The following SPRR3 variants were observed in gnomAD, a reference collection of about 807,000 sequenced individuals.
SPRR3 encodes the protein small proline-rich protein 3.
For synonymous variants in SPRR3, 58 were observed against 72.3 expected (o/e 0.80, Z 1.01); for missense variants, 183 against 200.3 (o/e 0.91, Z 0.52).
rs780146454 is a variant in SPRR3 at position 153,003,176 on chromosome 1, G to A, written c.156G>A (p.Lys52=). The change falls in exon 2 of 2, where the codon AAG becomes AAA. Residue 52 remains lysine, a synonymous_variant. Transcript: ENST00000295367. Reference sequence around the variant, plus strand: ...AGGTTCCACAACCTGGAAACACAAAGATTCCAGAGCCAGGCTGTACCAAGG... The same window carrying A: ...AGGTTCCACAACCTGGAAACACAAAAATTCCAGAGCCAGGCTGTACCAAGG... ...HSKVPQPGNT[K]IPEPGCTKVP... 4.5e-5 allele frequency: 73 copies of A among 1,613,822 alleles called. No homozygotes were observed. Among genetic ancestry groups the A allele is most frequent in the Non-Finnish European group, 5.7e-5 (67 of 1,179,946 alleles).
In SPRR3 at chr1:153,003,755, A is replaced by C. The variant is rs181973483; in HGVS notation, c.*225A>C. The C allele has an allele frequency of 7.0e-4, 453 of 650,874 alleles. 4 individuals carry two copies. Among genetic ancestry groups the C allele is most frequent in the African/African-American group, 5.3e-3 (289 of 54,968 alleles). 40.3% of individuals were successfully genotyped at this position (650,874 alleles called of 1,614,324 possible). On this transcript the variant is annotated 3_prime_UTR_variant, in exon 2 of 2. Coordinates refer to ENST00000295367, the MANE Select transcript of SPRR3 (RefSeq NM_001097589.2). ...CCCCTGAATTAAGCAGAAAGTCTTC[A>C]TGGCTTTTCTGGTCTTCGGCTGCTC...
Position 153,003,499 on chromosome 1 carries a change from G to T in SPRR3, c.479G>T (p.Gly160Val). Residue 160 changes from glycine (G) to valine (V), a missense_variant, in exon 2 of 2, where the codon GGC becomes GTC. Coordinates refer to ENST00000295367, the MANE Select transcript of SPRR3 (RefSeq NM_001097589.2). ...CCATGTCCTTCAACGGTCACTCCAG[G>T]CCCAGCTCAGCAGAAGACCAAGCAG... is the stretch of plus-strand genomic sequence containing the variant. Reference protein sequence around the residue: ...PEPCPSTVTPGPAQQKTKQK With the variant: ...PEPCPSTVTPVPAQQKTKQK 1 of 1,613,938 alleles carries T rather than the reference G, an allele frequency of 6.2e-7. No homozygotes were observed. Among genetic ancestry groups the T allele is most frequent in the Middle Eastern group, 1.7e-4 (1 of 6,060 alleles).
chr1:153,003,645 C>G lies in SPRR3; in HGVS notation c.*115C>G. The G allele has an allele frequency of 7.4e-7, 1 of 1,349,148 alleles. No individual in the cohort carries two copies. Among genetic ancestry groups the G allele is most frequent in the South Asian group, 1.5e-5 (1 of 66,890 alleles). 83.6% of individuals were successfully genotyped at this position (1,349,148 alleles called of 1,614,324 possible). ...CCTTGTAATCAGCACATTGTCACCCCAAGCCATAGTCTCTCTCTTATTTGT... is the reference window on the plus strand; with the variant it reads ...CCTTGTAATCAGCACATTGTCACCCGAAGCCATAGTCTCTCTCTTATTTGT... On this transcript the variant is annotated 3_prime_UTR_variant, in exon 2 of 2. Transcript: ENST00000295367.
In SPRR3 at chr1:153,003,423, G is replaced by C; in HGVS notation, c.403G>C (p.Glu135Gln). ...TGAGCCAGGTGCCATCAAAGTTCCT[G>C]AGCAAGGATACACCAAAGTTCCTGT... ...FPEPGAIKVPEQGYTKVPVPG... is the reference protein window; with the variant it reads ...FPEPGAIKVPQQGYTKVPVPG... The change falls in exon 2 of 2, where the codon GAG (glutamate) becomes CAG (glutamine). Residue 135 changes from glutamate (E) to glutamine (Q), a missense_variant. Coordinates refer to ENST00000295367, the MANE Select transcript of SPRR3 (RefSeq NM_001097589.2). The C allele has an allele frequency of 6.2e-7, 1 of 1,614,086 alleles. No homozygotes were observed. Among genetic ancestry groups the C allele is most frequent in the Non-Finnish European group, 8.5e-7 (1 of 1,180,014 alleles).
intron 1 of SPRR3, chr1:153,002,474 T>C (rs1570956084): frequency 6.3e-6 from 1 of 158,948 alleles, no homozygotes; most frequent in Non-Finnish European, 1.4e-5. Flanking sequence ...TTAAAATCTT[T>C]CCAACTTATG....
intron 1 of SPRR3, chr1:153,002,726 T>A (rs574534097): frequency 2.4e-6 from 1 of 417,660 alleles, no homozygotes; most frequent in Admixed American, 4.1e-5. Context: ...CATATTTGTA[T>A]GTGTTTTCAT....
rs771210760 is a variant in SPRR3 at position 153,003,473 on chromosome 1, G to C, written c.453G>C (p.Glu151Asp). The change falls in exon 2 of 2, where the codon GAG becomes GAC. Residue 151 changes from glutamate to aspartate, a missense_variant. Transcript: ENST00000295367. ...VPVPGYTKLP[E>D]PCPSTVTPGP... ...TGCCAGGCTACACAAAGCTACCAGA[G>C]CCATGTCCTTCAACGGTCACTCCAG... 2.5e-6 allele frequency: 4 copies of C among 1,614,086 alleles called. No individual in the cohort carries two copies. The highest frequency in any genetic ancestry group is 2.5e-6 in the Non-Finnish European group (3 of 1,180,032).
At position 153,003,202 on chromosome 1, in the gene SPRR3, TCCCTGAGCCAGGCTGTACCAAG is replaced by T; in HGVS notation, c.183_204del (p.Pro62SerfsTer131). ...ATTCCAGAGCCAGGCTGTACCAAGG[TCCCTGAGCCAGGCTGTACCAAG>T]GTCCCTGAGCCAGGCTGTACCAAGG... On this transcript the variant is annotated frameshift_variant, in exon 2 of 2. Transcript: ENST00000295367. LOFTEE classifies it low-confidence loss of function (END_TRUNC). The T allele has an allele frequency of 2.1e-5, 25 of 1,217,238 alleles. No individual in the cohort carries two copies. The highest frequency in any genetic ancestry group is 1.2e-4 in the East Asian group (2 of 16,356). The allele number at this position is 1,217,238 out of a possible 1,614,324, so 75.4% of individuals were successfully genotyped here.
chr1:153,003,262 G>A lies in SPRR3; in HGVS notation c.242G>A (p.Gly81Asp), dbSNP rs780991258. ...EPGCTKVPEP[G>D]CTKVPEPGCT... ...GGCTGTACCAAGGTCCCTGAGCCAG[G>A]TTGTACCAAGGTCCCTGAGCCAGGC... is the stretch of plus-strand genomic sequence containing the variant. The change falls in exon 2 of 2, where the codon GGT (glycine) becomes GAT (aspartate). Residue 81 changes from glycine (G) to aspartate (D), a missense_variant. By Grantham distance (94) the Gly-to-Asp change is moderately conservative (BLOSUM62 -1). Transcript: ENST00000295367. 1 of 1,594,474 alleles carries A rather than the reference G, an allele frequency of 6.3e-7. No homozygotes were observed. The highest frequency in any genetic ancestry group is 1.1e-5 in the South Asian group (1 of 88,048).
intron 1 of SPRR3, 37 bp from the exon 2 acceptor site, chr1:153,002,965 C>T: frequency 1.3e-6 from 2 of 1,553,450 alleles, no homozygotes; most frequent in Non-Finnish European, 1.7e-6. Context: ...TTCATTCCTA[C>T]TTAATCAAAG....
At chr1:153,002,800 C>T (rs1391895578) in intron 1 of SPRR3, 8 of 606,950 alleles carry the variant, frequency 1.3e-5, no homozygotes, top group African/African-American at 9.3e-5. Context: ...TCCATTTACA[C>T]GATGTGGAAG....
In SPRR3 at chr1:153,003,445, C is replaced by A; in HGVS notation, c.425C>A (p.Pro142His). Residue 142 changes from proline to histidine, a missense_variant, in exon 2 of 2, where the codon CCT (proline) becomes CAT (histidine). Physicochemically the swap from Pro to His is moderately conservative, Grantham distance 77. Transcript: ENST00000295367. ...CCTGAGCAAGGATACACCAAAGTTCCTGTGCCAGGCTACACAAAGCTACCA... is the reference window on the plus strand; with the variant it reads ...CCTGAGCAAGGATACACCAAAGTTCATGTGCCAGGCTACACAAAGCTACCA... ...KVPEQGYTKV[P>H]VPGYTKLPEP... The A allele has an allele frequency of 3.7e-6, 6 of 1,614,070 alleles. No individual in the cohort carries two copies. Among genetic ancestry groups the A allele is most frequent in the Non-Finnish European group, 5.1e-6 (6 of 1,179,992 alleles).
Position 153,002,549 on chromosome 1 carries a change from G to T in SPRR3, c.-19-453G>T, listed in dbSNP as rs527795457. ...CACAGCCAAGAGTGGTATTAAAAGTGATTTAATCAGGGAAGAGCAAGAAAC... is the reference window on the plus strand; with the variant it reads ...CACAGCCAAGAGTGGTATTAAAAGTTATTTAATCAGGGAAGAGCAAGAAAC... On this transcript the variant is annotated intron_variant, in intron 1 of 1. Transcript: ENST00000295367. 4 of 168,090 alleles carry T rather than the reference G, an allele frequency of 2.4e-5. No individual in the cohort carries two copies. In the South Asian group the frequency reaches 4.3e-4, roughly 18 times the overall value. The allele number at this position is 168,090 out of a possible 1,614,324, so 10.4% of individuals were successfully genotyped here. A position where few individuals can be genotyped will look rare whatever the true frequency, so the allele number is the denominator to read the frequency against.
rs1238659164 is a variant in SPRR3 at position 153,003,506 on chromosome 1, T to G, written c.486T>G (p.Ala162=). Residue 162 remains alanine, a synonymous_variant, in exon 2 of 2, where the codon GCT becomes GCG. Transcript: ENST00000295367. ...PCPSTVTPGP[A]QQKTKQK ...CTTCAACGGTCACTCCAGGCCCAGC[T>G]CAGCAGAAGACCAAGCAGAAGTAAT... 3.7e-6 allele frequency: 6 copies of G among 1,613,904 alleles called. No homozygotes were observed. Among genetic ancestry groups the G allele is most frequent in the Non-Finnish European group, 4.2e-6 (5 of 1,179,908 alleles).
intron 1 of SPRR3, 47 bp downstream of exon 1, chr1:153,001,840 T>C (rs992704068): frequency 7.2e-5 from 11 of 152,212 alleles, no homozygotes; most frequent in Non-Finnish European, 1.5e-4. Context: ...AATAGTTTCT[T>C]TATTTTGATT....
Position 153,003,146 on chromosome 1 carries a change from C to T in SPRR3, c.126C>T (p.His42=). 6.2e-7 allele frequency: 1 copy of T among 1,614,146 alleles called. No individual in the cohort carries two copies. The change falls in exon 2 of 2, where the codon CAC becomes CAT. Residue 42 remains histidine, a synonymous_variant. Transcript: ENST00000295367. ...IFVPTTKEPC[H]SKVPQPGNTK... ...TTCCCACAACCAAGGAGCCATGCCA[C>T]TCAAAGGTTCCACAACCTGGAAACA...
In SPRR3 at chr1:153,003,594, G is replaced by C; in HGVS notation, c.*64G>C. The C allele has an allele frequency of 1.3e-6, 2 of 1,580,788 alleles. No individual in the cohort carries two copies. The highest frequency in any genetic ancestry group is 3.5e-5 in the Admixed American group (2 of 57,210). ...GATGCTGGACACCCTCTTCCCATCT[G>C]TTTCTGTGTCTTAATTGTCTGTAGA... On this transcript the variant is annotated 3_prime_UTR_variant, in exon 2 of 2. Transcript: ENST00000295367.
Position 153,003,105 on chromosome 1 carries a change from C to A in SPRR3, c.85C>A (p.Pro29Thr). The change falls in exon 2 of 2, where the codon CCT becomes ACT. Residue 29 changes from proline to threonine, a missense_variant. Transcript: ENST00000295367. ...GGTGAAACAACCCAGCCAGCCTCCA[C>A]CTCAGGAAATATTTGTTCCCACAAC... ...QQVKQPSQPPPQEIFVPTTKE... is the reference protein window; with the variant it reads ...QQVKQPSQPPTQEIFVPTTKE... 6.2e-7 allele frequency: 1 copy of A among 1,614,162 alleles called. No homozygotes were observed. Among genetic ancestry groups the A allele is most frequent in the Non-Finnish European group, 8.5e-7 (1 of 1,180,024 alleles).
At position 153,003,500 on chromosome 1, in the gene SPRR3, C is replaced by T. The variant is rs750975518; in HGVS notation, c.480C>T (p.Gly160=). Residue 160 remains glycine, a synonymous_variant, in exon 2 of 2, where the codon GGC becomes GGT. Coordinates refer to ENST00000295367, the MANE Select transcript of SPRR3 (RefSeq NM_001097589.2). ...CATGTCCTTCAACGGTCACTCCAGG[C>T]CCAGCTCAGCAGAAGACCAAGCAGA... ...PEPCPSTVTP[G]PAQQKTKQK 10 of 1,613,984 alleles carry T rather than the reference C, an allele frequency of 6.2e-6. No homozygotes were observed. The highest frequency in any genetic ancestry group is 7.6e-6 in the Non-Finnish European group (9 of 1,179,950).
Sources: gnomAD v4.1 joint callset for allele counts on GRCh38, gnomAD v4.1.1 for gene constraint, MANE v1.5 for transcripts, NCBI Gene and HGNC (gene_info 2026-07-23, HGNC 2026-07-21) for gene names.